ZMAT4: variants seen among roughly 807,000 people sequenced by gnomAD.
ZMAT4 encodes zinc finger matrin-type protein 4.
ZMAT4 carries 17 observed loss-of-function variants against 28.7 expected under a neutral mutation model. The observed-to-expected ratio is 0.59, with a 90% CI of 0.41 to 0.89. The LOEUF (loss-of-function observed/expected upper bound fraction) is 0.89, where lower values mean the gene tolerates loss of function less well. Ranked by LOEUF, ZMAT4 falls within the 40% of genes least tolerant of loss-of-function variation. The pLI is 0.00. For synonymous variants in ZMAT4, 117 were observed against 109.2 expected, an observed-to-expected ratio of 1.07 and a Z score of -0.44; for missense variants, 240 against 283.8, an observed-to-expected ratio of 0.85 and a Z score of 1.11.
intron 5 of ZMAT4, among the ~76,000 whole-genome samples, chr8:40,651,252 C>A (rs1476290791): frequency 1.3e-5 from 2 of 151,962 alleles, no homozygotes; most frequent in African/African-American, 4.8e-5. Flanking sequence ...AATCAATGTA[C>A]AAAAATCACA....
At chr8:40,781,818 C>T (rs557152786) in intron 2 of ZMAT4, among the ~76,000 whole-genome samples, 2 of 144,704 alleles carry the variant, frequency 1.4e-5, no homozygotes, top group East Asian at 4.0e-4. Flanking sequence ...TAAATCCTTC[C>T]ATTGGTGGTT....
At chr8:40,745,345 T>C (rs1008784409) in intron 3 of ZMAT4, among the ~76,000 whole-genome samples, 2 of 151,986 alleles carry the variant, frequency 1.3e-5, no homozygotes, top group African/African-American at 4.8e-5. Flanking sequence ...GACCCTAGGG[T>C]TCTATTTCGA....
intron 1 of ZMAT4, among the ~76,000 whole-genome samples, chr8:40,856,651 C>G (rs1817308550): frequency 6.6e-6 from 1 of 152,204 alleles, no homozygotes; most frequent in South Asian, 2.1e-4. Flanking sequence ...AATCCTGGAG[C>G]ATGTTGTCAT....
intron 1 of ZMAT4, among the ~76,000 whole-genome samples, chr8:40,882,702 C>T (rs1818322748): frequency 6.6e-6 from 1 of 152,210 alleles, no homozygotes; most frequent in South Asian, 2.1e-4. Flanking sequence ...CACCTGCACT[C>T]CATCTAATCC....
intron 3 of ZMAT4, among the ~76,000 whole-genome samples, chr8:40,715,671 G>A (rs6988966): frequency 0.14 from 21,544 of 152,132 alleles, 2,153 homozygotes; most frequent in East Asian, 0.37. Flanking sequence ...GGGAGAGAGA[G>A]TGTGTGCTTT....
chr8:40,764,473 G>A (rs967168826), intron 3 of ZMAT4, among the ~76,000 whole-genome samples: 5 of 152,110 alleles, frequency 3.3e-5, no homozygotes, highest in Non-Finnish European at 5.9e-5. Flanking sequence ...AGTAAATTTC[G>A]AGTTCCTATG....
intron 5 of ZMAT4, among the ~76,000 whole-genome samples, chr8:40,601,814 C>T (rs1264182730): frequency 2.0e-5 from 3 of 152,098 alleles, no homozygotes; most frequent in Admixed American, 1.3e-4. Flanking sequence ...CCTCTTACAT[C>T]GTCAATGCTT....
chr8:40,730,695 A>G (rs1298574302), intron 3 of ZMAT4, among the ~76,000 whole-genome samples: 2 of 152,026 alleles, frequency 1.3e-5, no homozygotes, highest in Admixed American at 6.6e-5. Flanking sequence ...CAGGGAAACA[A>G]CTCCCCTCAA....
intron 3 of ZMAT4, among the ~76,000 whole-genome samples, chr8:40,711,073 C>A (rs924795457): frequency 6.6e-6 from 1 of 152,128 alleles, no homozygotes; most frequent in Non-Finnish European, 1.5e-5. Context: ...CATGAGCCAC[C>A]GTGTGCGGCC....
At chr8:40,805,037 G>A (rs1201423872) in intron 2 of ZMAT4, among the ~76,000 whole-genome samples, 8 of 149,590 alleles carry the variant, frequency 5.3e-5, no homozygotes, top group Admixed American at 2.0e-4. Context: ...GAAAATTTTC[G>A]CAACCTACTC....
At chr8:40,880,870 G>A (rs545570951) in intron 1 of ZMAT4, among the ~76,000 whole-genome samples, 2 of 152,118 alleles carry the variant, frequency 1.3e-5, no homozygotes, top group East Asian at 3.9e-4. Context: ...AATGTTGAAT[G>A]TTTTCACACT....
chr8:40,658,395 G>T (rs150967868), intron 5 of ZMAT4, among the ~76,000 whole-genome samples: 3 of 152,108 alleles, frequency 2.0e-5, no homozygotes, highest in African/African-American at 4.8e-5. Context: ...TTTGAAAGCC[G>T]GCAGCAAACT....
chr8:40,617,693 C>T (rs1185636356), intron 5 of ZMAT4, among the ~76,000 whole-genome samples: 2 of 152,184 alleles, frequency 1.3e-5, no homozygotes, highest in Admixed American at 6.5e-5. Context: ...GCATGAAATG[C>T]AGGCTGCTTA....
intron 6 of ZMAT4, among the ~76,000 whole-genome samples, chr8:40,547,434 C>A (rs1359371865): frequency 6.6e-6 from 1 of 152,168 alleles, no homozygotes; most frequent in Non-Finnish European, 1.5e-5. Flanking sequence ...ATGAAGGAAG[C>A]CACAGCATGA....
chr8:40,788,880 A>G (rs1814199383), intron 2 of ZMAT4, among the ~76,000 whole-genome samples: 1 of 151,970 alleles, frequency 6.6e-6, no homozygotes, highest in Non-Finnish European at 1.5e-5. Context: ...CATCATGACC[A>G]AAGGATATTT....
chr8:40,770,547 T>TC (rs1813346789), intron 2 of ZMAT4, among the ~76,000 whole-genome samples: 30 of 81,932 alleles, frequency 3.7e-4, no homozygotes, highest in Non-Finnish European at 5.0e-4. Flanking sequence ...TCTTTCTCTC[T>TC]CATTTTTTTT....
chr8:40,587,119 A>C (rs1039930952), intron 5 of ZMAT4, among the ~76,000 whole-genome samples: 1 of 151,982 alleles, frequency 6.6e-6, no homozygotes, highest in Non-Finnish European at 1.5e-5. Flanking sequence ...TAAAAGAAAA[A>C]AAAAAAAGGA....
chr8:40,558,753 C>T (rs927702563), intron 6 of ZMAT4, among the ~76,000 whole-genome samples: 1 of 152,212 alleles, frequency 6.6e-6, no homozygotes, highest in Non-Finnish European at 1.5e-5. Flanking sequence ...CCCCAACTGA[C>T]TGAACGGGCT....
chr8:40,543,404 C>T (rs1803104156), intron 6 of ZMAT4, among the ~76,000 whole-genome samples: 1 of 152,186 alleles, frequency 6.6e-6, no homozygotes, highest in African/African-American at 2.4e-5. Context: ...CTGCTGTAGT[C>T]AAACTCAATG....
Sources: gnomAD v4.1 joint callset for allele counts (sites outside exome capture counted in the v4.1 genomes callset) on GRCh38, gnomAD v4.1.1 for gene constraint, MANE v1.5 for transcripts, NCBI Gene and HGNC (gene_info 2026-07-23, HGNC 2026-07-21) for gene names.